NHLRC2: variants seen among roughly 807,000 people sequenced by gnomAD.
The protein encoded by NHLRC2 is NHL repeat-containing protein 2.
NHLRC2 carries 33 observed loss-of-function variants against 68.1 expected under a neutral mutation model. That is an observed-to-expected ratio of 0.48 (90% confidence interval 0.37 to 0.65). The LOEUF (loss-of-function observed/expected upper bound fraction) is 0.65. Among genes scored for constraint, NHLRC2 ranks in the 30% least tolerant of loss-of-function variants. The pLI is 0.00. For missense variants in NHLRC2, 761 were observed against 853.8 expected (o/e 0.89, Z 1.35); for synonymous variants, 311 against 309.6 (o/e 1.00, Z -0.05).
chr10:113,862,437 TAAGAA>T (rs774230177), intron 2 of NHLRC2, among the ~76,000 whole-genome samples: 1 of 133,334 alleles, frequency 7.5e-6, no homozygotes, highest in Non-Finnish European at 1.7e-5. Flanking sequence ...CAAAATGAAA[TAAGAA>T]AAGAATTTAA....
intron 6 of NHLRC2, among the ~76,000 whole-genome samples, chr10:113,899,076 T>C (rs1268316760): frequency 6.6e-6 from 1 of 152,152 alleles, no homozygotes; most frequent in African/African-American, 2.4e-5. Flanking sequence ...ACCTGGTGTA[T>C]AGTTACATCA....
rs534865354 is a variant in NHLRC2, at chr10:113,879,001, T to C, written c.788-573T>C. Among the ~76,000 whole-genome samples, 4 of 152,350 alleles carry C rather than the reference T, an allele frequency of 2.6e-5. No homozygotes were observed. In the East Asian group the frequency reaches 7.7e-4, roughly 29 times the overall value. On this transcript the variant is annotated intron_variant, in intron 3 of 10. Coordinates refer to ENST00000369301, the MANE Select transcript of NHLRC2 (RefSeq NM_198514.4). ...GTTATATTCTCCACCCTTGAAACTC[T>C]ACATGAATTGTAAAAACTGAGAGGT...
rs1450279966 is a variant in NHLRC2 at position 113,912,134 on chromosome 10, G to C, written c.*3598G>C. The stretch of plus-strand genomic sequence containing the variant: ...TATTTTTATTGTGTAACGTAGTGTA[G>C]TGGTTAAGAGCTTGGATTTTGCAGT... On this transcript the variant is annotated 3_prime_UTR_variant, in exon 11 of 11. Coordinates refer to ENST00000369301, the MANE Select transcript of NHLRC2 (RefSeq NM_198514.4). 1 of 152,126 alleles carries C rather than the reference G, an allele frequency of 6.6e-6. No individual in the cohort carries two copies. The highest frequency in any genetic ancestry group is 1.5e-5 in the Non-Finnish European group (1 of 68,020). The allele number at this position is 152,126 out of a possible 1,614,324, so 9.4% of individuals were successfully genotyped here.
Position 113,912,558 on chromosome 10 carries a change from C to T in NHLRC2, c.*4022C>T, listed in dbSNP as rs2134748216. ...AGGGTCCAGACATACTCATCCTGAA[C>T]CACATTCCTACAACATATGCCCAAC... is the stretch of plus-strand genomic sequence containing the variant. On this transcript the variant is annotated 3_prime_UTR_variant, in exon 11 of 11. Coordinates refer to ENST00000369301, the MANE Select transcript of NHLRC2 (RefSeq NM_198514.4). The T allele has an allele frequency of 6.6e-6, 1 of 152,310 alleles. No individual in the cohort carries two copies. The allele number at this position is 152,310 out of a possible 1,614,324, so 9.4% of individuals were successfully genotyped here. A position where few individuals can be genotyped will look rare whatever the true frequency, so the allele number is the denominator to read the frequency against.
Position 113,898,226 on chromosome 10 carries a change from CTCTT to C in NHLRC2, c.1139+19_1139+22del, listed in dbSNP as rs1249188470. On this transcript the variant is annotated intron_variant, in intron 6 of 10. Coordinates refer to ENST00000369301, the MANE Select transcript of NHLRC2 (RefSeq NM_198514.4). ...AAAGAAAAAGTAAGTGACAGCCTCT[CTCTT>C]TGAGTAGACTGTACTACTTGGTGTT... is the stretch of plus-strand genomic sequence containing the variant. The C allele has an allele frequency of 6.0e-6, 9 of 1,488,216 alleles. No homozygotes were observed. The highest frequency in any genetic ancestry group is 4.1e-5 in the African/African-American group (3 of 72,542). The allele number at this position is 1,488,216 out of a possible 1,614,324, so 92.2% of individuals were successfully genotyped here. A position where few individuals can be genotyped will look rare whatever the true frequency, so the allele number is the denominator to read the frequency against.
intron 1 of NHLRC2, 76 bp downstream of exon 1, chr10:113,855,126 G>C (rs1284642429): frequency 7.5e-7 from 1 of 1,341,052 alleles, no homozygotes; most frequent in African/African-American, 1.5e-5. Context: ...CCCGCGAAGC[G>C]GTGGGCTAGG....
chr10:113,865,838 A>G (rs761460876), intron 2 of NHLRC2, among the ~76,000 whole-genome samples: 6 of 152,228 alleles, frequency 3.9e-5, no homozygotes, highest in Non-Finnish European at 8.8e-5. Flanking sequence ...ATAACCAGAA[A>G]TGATCACATG....
At chr10:113,877,513 G>C (rs1845995472) in intron 3 of NHLRC2, among the ~76,000 whole-genome samples, 1 of 152,134 alleles carries the variant, frequency 6.6e-6, no homozygotes, top group East Asian at 1.9e-4. Flanking sequence ...ATAGAAATAG[G>C]TGTAGCAGAG....
intron 1 of NHLRC2, among the ~76,000 whole-genome samples, chr10:113,857,348 G>GAATTTT (rs1564848801): frequency 6.6e-6 from 1 of 151,912 alleles, no homozygotes; most frequent in Non-Finnish European, 1.5e-5. Context: ...CACTTGATCT[G>GAATTTT]GTATATAATT....
chr10:113,862,741 G>A (rs1347701610), intron 2 of NHLRC2, among the ~76,000 whole-genome samples: 4 of 152,208 alleles, frequency 2.6e-5, no homozygotes, highest in Non-Finnish European at 5.9e-5. Flanking sequence ...AAAGGATATT[G>A]TATGCAAATT....
At chr10:113,898,561 C>A (rs1208982266) in intron 6 of NHLRC2, among the ~76,000 whole-genome samples, 1 of 152,170 alleles carries the variant, frequency 6.6e-6, no homozygotes, top group Non-Finnish European at 1.5e-5. Flanking sequence ...TTTTATCAGC[C>A]AGAGTAAGTC....
At chr10:113,859,827 C>T (rs1186201132) in intron 2 of NHLRC2, among the ~76,000 whole-genome samples, 1 of 152,046 alleles carries the variant, frequency 6.6e-6, no homozygotes, top group Non-Finnish European at 1.5e-5. Context: ...AGTCACTTTG[C>T]CTAGAAACAT....
chr10:113,854,802 G>C lies in NHLRC2; in HGVS notation c.-71G>C. On this transcript the variant is annotated 5_prime_UTR_variant, in exon 1 of 11. Transcript: ENST00000369301. ...TGCGCCGTTTGGAAACCACAGGACA[G>C]TGAACGTTTCGTCTCTCCCAGCGAG... The C allele has an allele frequency of 1.0e-5, 14 of 1,351,508 alleles. No homozygotes were observed. The highest frequency in any genetic ancestry group is 1.4e-5 in the Non-Finnish European group (14 of 996,272). 83.7% of individuals were successfully genotyped at this position (1,351,508 alleles called of 1,614,324 possible). A position where few individuals can be genotyped will look rare whatever the true frequency, so the allele number is the denominator to read the frequency against.
intron 6 of NHLRC2, among the ~76,000 whole-genome samples, chr10:113,900,739 G>A (rs999602144): frequency 2.6e-5 from 4 of 151,956 alleles, no homozygotes; most frequent in Non-Finnish European, 5.9e-5. Flanking sequence ...TGAATAAGTG[G>A]CCATATTTTA....
At chr10:113,872,341 C>T (rs1845934724) in intron 2 of NHLRC2, among the ~76,000 whole-genome samples, 1 of 152,116 alleles carries the variant, frequency 6.6e-6, no homozygotes, top group African/African-American at 2.4e-5. Context: ...AAAAAGGGAA[C>T]TGTCAGAAGA....
chr10:113,908,790 C>T lies in NHLRC2; in HGVS notation c.*254C>T. 1 of 475,040 alleles carries T rather than the reference C, an allele frequency of 2.1e-6. No homozygotes were observed. Among genetic ancestry groups the T allele is most frequent in the Non-Finnish European group, 3.8e-6 (1 of 263,514 alleles). 29.4% of individuals were successfully genotyped at this position (475,040 alleles called of 1,614,324 possible). ...TACCATGATATTGTAATCTATGCTG[C>T]TATTTGGCACAAGACTGAAGTTCAC... On this transcript the variant is annotated 3_prime_UTR_variant, in exon 11 of 11. Coordinates refer to ENST00000369301, the MANE Select transcript of NHLRC2 (RefSeq NM_198514.4).
At chr10:113,855,095 C>T (rs750241651) in intron 1 of NHLRC2, 45 bp downstream of exon 1, 2 of 1,502,962 alleles carry the variant, frequency 1.3e-6, no homozygotes, top group Non-Finnish European at 1.8e-6. Flanking sequence ...GGCACCTCCC[C>T]TTCCTCGGGG....
intron 2 of NHLRC2, among the ~76,000 whole-genome samples, chr10:113,865,569 C>CT (rs76462363): frequency 2.9e-3 from 157 of 55,020 alleles, no homozygotes; most frequent in Non-Finnish European, 4.2e-3. Context: ...GCTTTCTTTT[C>CT]TTTTTTTTTT....
In NHLRC2 at chr10:113,912,232, C is replaced by T. The variant is rs1245542489; in HGVS notation, c.*3696C>T. On this transcript the variant is annotated 3_prime_UTR_variant, in exon 11 of 11. Coordinates refer to ENST00000369301, the MANE Select transcript of NHLRC2 (RefSeq NM_198514.4). ...ATTCAATGAAATATTGTGTGTACAG[C>T]ACTTAGTAATTAATGAAACTGGTAA... 3.9e-5 allele frequency: 6 copies of T among 152,136 alleles called. No homozygotes were observed. The highest frequency in any genetic ancestry group is 7.3e-5 in the Non-Finnish European group (5 of 68,030). The allele number at this position is 152,136 out of a possible 1,614,324, so 9.4% of individuals were successfully genotyped here.
Sources: gnomAD v4.1 joint callset for allele counts (sites outside exome capture counted in the v4.1 genomes callset) on GRCh38, gnomAD v4.1.1 for gene constraint, MANE v1.5 for transcripts, NCBI Gene and HGNC (gene_info 2026-07-23, HGNC 2026-07-21) for gene names.